Variants in TMCO4 observed in about 807,000 individuals in gnomAD.
TMCO4 encodes the protein transmembrane and coiled-coil domain-containing protein 4.
In TMCO4, 58 loss-of-function variants were observed where a neutral mutation model predicts 64.7. The ratio of observed to expected loss-of-function variants is 0.90; its 90% CI spans 0.73 to 1.12. TMCO4 has a LOEUF of 1.12. TMCO4 is among the 50% of genes most tolerant of loss of function. The probability of loss-of-function intolerance (pLI) is 0.00; values close to 1 mark genes in which losing one functional copy is unlikely to be tolerated. For missense variants in TMCO4, 780 were observed against 825.9 expected (o/e 0.94, Z 0.68); for synonymous variants, 325 against 346.1 (o/e 0.94, Z 0.68).
chr1:19,718,993 C>T (rs1180081610), intron 13 of TMCO4, among the ~76,000 whole-genome samples: 1 of 152,184 alleles, frequency 6.6e-6, no homozygotes, highest in Admixed American at 6.6e-5. Context: ...ACTTGAGACT[C>T]GCCACCTAGT....
intron 13 of TMCO4, among the ~76,000 whole-genome samples, chr1:19,705,851 T>A (rs2095300526): frequency 6.6e-6 from 1 of 152,120 alleles, no homozygotes; most frequent in South Asian, 2.1e-4. Context: ...ACTAGAATAA[T>A]TCAGCCTTCC....
chr1:19,797,968 GAAAA>G (rs765588910), intron 2 of TMCO4, 165 bp downstream of exon 2: 1 of 117,262 alleles, frequency 8.5e-6, no homozygotes, highest in Non-Finnish European at 1.6e-5. Flanking sequence ...GAAAAGAAAA[GAAAA>G]GAAAAGAAAA....
chr1:19,770,566 G>A lies in TMCO4; in HGVS notation c.358C>T (p.Leu120Phe). The A allele has an allele frequency of 6.2e-7, 1 of 1,612,826 alleles. No homozygotes were observed. Among genetic ancestry groups the A allele is most frequent in the African/African-American group, 1.3e-5 (1 of 74,930 alleles). ...CCATCCTTGAGTGAGAAGCTCAGAA[G>A]GTCCTGAGGGAGAAGACAACAGGCA... ...KDDPTVITQDLLSFSLKDGHY... is the reference protein window; with the variant it reads ...KDDPTVITQDFLSFSLKDGHY... Residue 120 changes from leucine to phenylalanine, a missense_variant, in exon 6 of 16, where the codon CTT becomes TTT. By Grantham distance (22) the Leu-to-Phe change is conservative. Transcript: ENST00000294543.
chr1:19,701,059 T>C (rs1235949063), intron 13 of TMCO4, 174 bp from the exon 14 acceptor site: 2 of 582,022 alleles, frequency 3.4e-6, no homozygotes, highest in South Asian at 2.1e-5. Context: ...CAAACATGCA[T>C]GGATAGGCAT....
intron 4 of TMCO4, among the ~76,000 whole-genome samples, chr1:19,778,701 A>G (rs971857407): frequency 1.3e-5 from 2 of 152,220 alleles, no homozygotes; most frequent in Non-Finnish European, 2.9e-5. Flanking sequence ...TGGCAGAGTT[A>G]AGATTTGAAC....
At chr1:19,757,074 T>A (rs186712491) in intron 6 of TMCO4, among the ~76,000 whole-genome samples, 1 of 150,258 alleles carries the variant, frequency 6.7e-6, no homozygotes, top group East Asian at 2.0e-4. Context: ...GCAGATCACT[T>A]GAAGCCAGGA....
chr1:19,720,005 ATTTTTTTT>A (rs56755114), intron 13 of TMCO4, among the ~76,000 whole-genome samples: 1 of 116,954 alleles, frequency 8.6e-6, no homozygotes, highest in African/African-American at 3.3e-5. Flanking sequence ...AAGGAAAATA[ATTTTTTTT>A]TTTTTTTTTT....
At chr1:19,765,964 C>G (rs2042719451) in intron 6 of TMCO4, among the ~76,000 whole-genome samples, 1 of 152,224 alleles carries the variant, frequency 6.6e-6, no homozygotes, top group Non-Finnish European at 1.5e-5. Flanking sequence ...GCAAATCATG[C>G]TGCTCAGCAT....
chr1:19,707,400 A>G (rs1364381668), intron 13 of TMCO4, among the ~76,000 whole-genome samples: 2 of 152,202 alleles, frequency 1.3e-5, no homozygotes, highest in Non-Finnish European at 2.9e-5. Flanking sequence ...AGGTCGGTGG[A>G]TTGCTTGAGG....
At position 19,715,888 on chromosome 1, in the gene TMCO4, C is replaced by A. The variant is rs1355670115; in HGVS notation, c.1265-15003G>T. 2.0e-5 allele frequency among the ~76,000 whole-genome samples: 3 copies of A among 152,320 alleles called. No individual in the cohort carries two copies. In the East Asian group the frequency reaches 5.8e-4, roughly 29 times the overall value. On this transcript the variant is annotated intron_variant, in intron 13 of 15. Transcript: ENST00000294543. Reference sequence around the variant, plus strand: ...TCCCATTAGAGACGGAGGGAGCGCCCTGGGAGTGGGGTCTGATCACATCCT... The same window carrying A: ...TCCCATTAGAGACGGAGGGAGCGCCATGGGAGTGGGGTCTGATCACATCCT...
chr1:19,740,468 C>T (rs2095474266), intron 11 of TMCO4, among the ~76,000 whole-genome samples: 1 of 152,190 alleles, frequency 6.6e-6, no homozygotes, highest in Non-Finnish European at 1.5e-5. Context: ...GGCTGACCCA[C>T]AGGCCTAGCT....
chr1:19,682,698 A>G lies in TMCO4; in HGVS notation c.*342T>C, dbSNP rs2095111712. 1.4e-6 allele frequency: 1 copy of G among 717,590 alleles called. No homozygotes were observed. Among genetic ancestry groups the G allele is most frequent in the African/African-American group, 1.7e-5 (1 of 57,236 alleles). 44.5% of individuals were successfully genotyped at this position (717,590 alleles called of 1,614,324 possible). ...GAGAGCCCTCGGGACCTCCTGATGG[A>G]CAGCCAGACTCCAAAGCTATGAGAA... On this transcript the variant is annotated 3_prime_UTR_variant, in exon 16 of 16. Coordinates refer to ENST00000294543, the MANE Select transcript of TMCO4 (RefSeq NM_181719.7).
chr1:19,779,259 C>T (rs922322749), intron 4 of TMCO4, among the ~76,000 whole-genome samples: 6 of 152,276 alleles, frequency 3.9e-5, no homozygotes, highest in South Asian at 2.1e-4. Flanking sequence ...CCCCTCTGAA[C>T]CTTTGGAGCC....
chr1:19,730,972 C>T (rs1311643910), intron 13 of TMCO4, among the ~76,000 whole-genome samples: 2 of 152,202 alleles, frequency 1.3e-5, no homozygotes, highest in Non-Finnish European at 2.9e-5. Context: ...AGGGTCTTCT[C>T]AGTGTGCAGA....
At chr1:19,758,612 G>C (rs940161139) in intron 6 of TMCO4, among the ~76,000 whole-genome samples, 1 of 152,264 alleles carries the variant, frequency 6.6e-6, no homozygotes, top group Non-Finnish European at 1.5e-5. Context: ...AGGGATGCTG[G>C]TCTTGGAGCC....
chr1:19,726,667 T>G (rs2095410093), intron 13 of TMCO4, among the ~76,000 whole-genome samples: 1 of 152,172 alleles, frequency 6.6e-6, no homozygotes, highest in South Asian at 2.1e-4. Flanking sequence ...ACACACTAAG[T>G]GCTCAGCAAG....
chr1:19,764,907 T>G lies in TMCO4; in HGVS notation c.382+5635A>C, dbSNP rs148577613. On this transcript the variant is annotated intron_variant, in intron 6 of 15. Coordinates refer to ENST00000294543, the MANE Select transcript of TMCO4 (RefSeq NM_181719.7). ...GAACCCAGCAGCCAGGTGACAATAT[T>G]TGCATTTTACCACAACCTAAGACTA... 3.4e-4 allele frequency among the ~76,000 whole-genome samples: 52 copies of G among 150,888 alleles called. 1 individual carries two copies. In the East Asian group the frequency reaches 8.2e-3, roughly 24 times the overall value.
intron 13 of TMCO4, among the ~76,000 whole-genome samples, chr1:19,710,566 T>C (rs1281645389): frequency 2.0e-5 from 3 of 152,322 alleles, no homozygotes; most frequent in African/African-American, 4.8e-5. Context: ...CATTTAACGA[T>C]GGGAAGCCTA....
At chr1:19,689,248 C>A (rs908039059) in intron 15 of TMCO4, among the ~76,000 whole-genome samples, 1 of 152,184 alleles carries the variant, frequency 6.6e-6, no homozygotes, top group Non-Finnish European at 1.5e-5. Flanking sequence ...GTGCTAATTA[C>A]CTCTAATTAC....
Sources: allele counts gnomAD v4.1 joint callset (sites outside exome capture counted in the v4.1 genomes callset), GRCh38; gene constraint gnomAD v4.1.1; transcripts MANE v1.5; gene names NCBI Gene and HGNC (gene_info 2026-07-23, HGNC 2026-07-21).